The following CNKSR2 variants were observed in gnomAD, a reference collection of about 807,000 sequenced individuals.
The protein encoded by CNKSR2 is connector enhancer of kinase suppressor of Ras 2.
A neutral mutation model predicts 84.4 loss-of-function variants in CNKSR2; 14 were observed. The observed-to-expected ratio is 0.17, with a 90% CI of 0.11 to 0.26. CNKSR2 has a LOEUF of 0.26. CNKSR2 is among the 10% of genes least tolerant of loss of function. The probability of loss-of-function intolerance (pLI) is 1.00; values close to 1 mark genes in which losing one functional copy is unlikely to be tolerated. For missense variants in CNKSR2, 485 were observed against 771.2 expected (o/e 0.63, Z 4.40); for synonymous variants, 275 against 277.9 (o/e 0.99, Z 0.10).
chrX:21,551,701 A>G (rs186414357), intron 11 of CNKSR2, among the ~76,000 whole-genome samples: 106 of 111,875 alleles, frequency 9.5e-4, no homozygotes, highest in African/African-American at 3.1e-3. Context: ...GAGACCAAAG[A>G]TGCTACTAAA....
chrX:21,609,864 A>G (rs984308755), intron 20 of CNKSR2, among the ~76,000 whole-genome samples: 2 of 111,600 alleles, frequency 1.8e-5, no homozygotes, highest in Non-Finnish European at 3.8e-5. Flanking sequence ...TTCTCCAACT[A>G]GCCATTTGCC....
At chrX:21,469,767 C>G (rs2091174937) in intron 4 of CNKSR2, among the ~76,000 whole-genome samples, 1 of 109,741 alleles carries the variant, frequency 9.1e-6, no homozygotes, top group Non-Finnish European at 1.9e-5. Flanking sequence ...GAAAAATTAG[C>G]CGGGCATGGT....
At chrX:21,622,454 G>A (rs887267526) in intron 20 of CNKSR2, among the ~76,000 whole-genome samples, 13 of 110,789 alleles carry the variant, frequency 1.2e-4, no homozygotes, top group Admixed American at 9.7e-4. Context: ...GACAGTTTAC[G>A]TTTGTATTAC....
At chrX:21,460,424 C>T (rs1006753664) in intron 4 of CNKSR2, among the ~76,000 whole-genome samples, 7 of 111,144 alleles carry the variant, frequency 6.3e-5, no homozygotes, top group Non-Finnish European at 1.3e-4. Context: ...TTTGTGGATA[C>T]GTAGTAAGCA....
chrX:21,395,286 A>C (rs192412905), intron 1 of CNKSR2, among the ~76,000 whole-genome samples: 3 of 112,046 alleles, frequency 2.7e-5, no homozygotes, highest in African/African-American at 9.7e-5. Context: ...AAATTTATTA[A>C]GAGCTTTCTT....
chrX:21,577,036 T>C (rs566414243), intron 13 of CNKSR2, among the ~76,000 whole-genome samples: 4 of 111,853 alleles, frequency 3.6e-5, no homozygotes, highest in Non-Finnish European at 7.5e-5. Flanking sequence ...TTAATGGAAT[T>C]CCTAAGATAC....
At chrX:21,602,370 A>G (rs1447500131) in intron 18 of CNKSR2, among the ~76,000 whole-genome samples, 1 of 111,224 alleles carries the variant, frequency 9.0e-6, no homozygotes, top group African/African-American at 3.3e-5. Flanking sequence ...CATGTTGCCC[A>G]TGCTGGTCCC....
At chrX:21,570,494 A>G (rs1357129522) in intron 13 of CNKSR2, among the ~76,000 whole-genome samples, 2 of 111,350 alleles carry the variant, frequency 1.8e-5, no homozygotes, top group African/African-American at 6.5e-5. Context: ...TTGATCTTCT[A>G]TCCAGACCAC....
chrX:21,503,268 A>G (rs2091577810), intron 8 of CNKSR2: 1 of 292,890 alleles, frequency 3.4e-6, no homozygotes, highest in Non-Finnish European at 5.9e-6. Flanking sequence ...ATTGAAAACT[A>G]CACAGAATGA....
At chrX:21,600,630 ACT>A (rs776278626) in intron 17 of CNKSR2, among the ~76,000 whole-genome samples, 1 of 112,368 alleles carries the variant, frequency 8.9e-6, no homozygotes, top group Non-Finnish European at 1.9e-5. Context: ...CAATAGCAGC[ACT>A]ACAGAAAGAG....
chrX:21,567,798 GTGT>G (rs2092252615), intron 13 of CNKSR2, among the ~76,000 whole-genome samples: 22 of 4,122 alleles, frequency 5.3e-3, no homozygotes, highest in Non-Finnish European at 0.042. Flanking sequence ...TTTGTGTGGT[GTGT>G]GTGTGTGTGT....
At chrX:21,492,015 T>C (rs1404330839) in intron 6 of CNKSR2, 1 of 111,030 alleles carries the variant, frequency 9.0e-6, no homozygotes, top group African/African-American at 3.3e-5. Flanking sequence ...CTTGAAGAGA[T>C]GGGAGAGTAA....
intron 1 of CNKSR2, among the ~76,000 whole-genome samples, chrX:21,378,085 G>A (rs936929581): frequency 1.8e-5 from 2 of 111,468 alleles, no homozygotes; most frequent in African/African-American, 3.3e-5. Context: ...GTAAAAATTG[G>A]ATATGACACA....
chrX:21,435,060 A>G (rs1202888303), intron 3 of CNKSR2, among the ~76,000 whole-genome samples: 2 of 108,221 alleles, frequency 1.8e-5, no homozygotes, highest in Admixed American at 2.1e-4. Flanking sequence ...TTGAATGCTG[A>G]CTAATTCTTG....
intron 11 of CNKSR2, among the ~76,000 whole-genome samples, chrX:21,533,653 C>G (rs2091904244): frequency 9.0e-6 from 1 of 111,298 alleles, no homozygotes. Flanking sequence ...GAATAGAATA[C>G]TTTTTAAATA....
In CNKSR2 at chrX:21,440,706, T is replaced by A; in HGVS notation, c.444T>A (p.Ala148=). The A allele has an allele frequency of 8.4e-7, 1 of 1,185,360 alleles. No homozygotes were observed. Among genetic ancestry groups the A allele is most frequent in the South Asian group, 1.9e-5 (1 of 54,038 alleles). The change falls in exon 4 of 22, where the codon GCT becomes GCA. Residue 148 remains alanine, a synonymous_variant. Transcript: ENST00000379510. The part of the protein sequence containing the change: ...LLAWLDRSPF[A]AVTDYSVTRN... The stretch of plus-strand genomic sequence containing the variant: ...TTTCCCTTTATAGGTCACCATTTGC[T>A]GCTGTGACAGACTATTCAGTTACAA...
At chrX:21,569,835 ACAGAGCTCTT>A (rs2092270924) in intron 13 of CNKSR2, among the ~76,000 whole-genome samples, 1 of 112,308 alleles carries the variant, frequency 8.9e-6, no homozygotes, top group African/African-American at 3.2e-5. Flanking sequence ...TACATCTCCA[ACAGAGCTCTT>A]GGTTGACCAG....
chrX:21,451,493 A>G (rs2090928110), intron 4 of CNKSR2, among the ~76,000 whole-genome samples: 2 of 110,036 alleles, frequency 1.8e-5, no homozygotes, highest in Non-Finnish European at 3.8e-5. Flanking sequence ...TGTGGCACAT[A>G]TACACCATGG....
chrX:21,406,745 G>A (rs2090269400), intron 1 of CNKSR2, among the ~76,000 whole-genome samples: 2 of 111,035 alleles, frequency 1.8e-5, no homozygotes, highest in African/African-American at 3.3e-5. Flanking sequence ...TAGGAGTAGG[G>A]GAGTCAATAT....
Sources: gnomAD v4.1 joint callset for allele counts (sites outside exome capture counted in the v4.1 genomes callset) on GRCh38, gnomAD v4.1.1 for gene constraint, MANE v1.5 for transcripts, NCBI Gene and HGNC (gene_info 2026-07-23, HGNC 2026-07-21) for gene names.